RBM20: variants seen among roughly 807,000 people sequenced by gnomAD.
RBM20 encodes RNA-binding protein 20.
In RBM20, 51 loss-of-function variants were observed where a neutral mutation model predicts 110.1. The observed-to-expected ratio is 0.46, with a 90% CI of 0.37 to 0.59. RBM20 has a LOEUF of 0.59. Among genes scored for constraint, RBM20 ranks in the 20% least tolerant of loss-of-function variants. The pLI is 0.00. For synonymous variants in RBM20, 589 were observed against 618.2 expected (o/e 0.95, Z 0.70); for missense variants, 1,512 against 1,574.9 (o/e 0.96, Z 0.68).
intron 1 of RBM20, among the ~76,000 whole-genome samples, chr10:110,775,449 C>A (rs1278314799): frequency 6.6e-6 from 1 of 152,164 alleles, no homozygotes; most frequent in East Asian, 1.9e-4. Context: ...CAGGAGAGAG[C>A]CTGCTGATAC....
At position 110,714,283 on chromosome 10, in the gene RBM20, G is replaced by A. The variant is rs138129484; in HGVS notation, c.192-66518G>A. 4.1e-3 allele frequency among the ~76,000 whole-genome samples: 629 copies of A among 152,334 alleles called. 6 individuals are homozygous for A. The highest frequency in any genetic ancestry group is 0.014 in the Admixed American group (218 of 15,306). On this transcript the variant is annotated intron_variant, in intron 1 of 13. Transcript: ENST00000369519. ...AGCTAGAAATGTAACCATATCTGCA[G>A]TTCTTGGAGGTCAATGAAAAGGTTG...
At chr10:110,681,479 C>T (rs2134859897) in intron 1 of RBM20, among the ~76,000 whole-genome samples, 1 of 152,280 alleles carries the variant, frequency 6.6e-6, no homozygotes. Context: ...TCTTTTCTGC[C>T]TTCAGGTCAC....
intron 1 of RBM20, among the ~76,000 whole-genome samples, chr10:110,719,523 T>G (rs1240764188): frequency 1.3e-5 from 2 of 152,222 alleles, no homozygotes; most frequent in Admixed American, 6.5e-5. Context: ...TTTTATTTTG[T>G]TTTTGTTTTT....
chr10:110,803,946 C>T (rs1844663795), intron 7 of RBM20, among the ~76,000 whole-genome samples: 1 of 151,938 alleles, frequency 6.6e-6, no homozygotes, highest in Non-Finnish European at 1.5e-5. Flanking sequence ...TCTCTCCACG[C>T]TGCCTTCTGC....
At position 110,724,733 on chromosome 10, in the gene RBM20, G is replaced by T. The variant is rs558937394; in HGVS notation, c.192-56068G>T. 5.2e-4 allele frequency among the ~76,000 whole-genome samples: 79 copies of T among 151,958 alleles called. 1 individual carries two copies. Among genetic ancestry groups the T allele is most frequent in the African/African-American group, 1.9e-3 (77 of 41,254 alleles). On this transcript the variant is annotated intron_variant, in intron 1 of 13. Transcript: ENST00000369519. Reference sequence around the variant, plus strand: ...AGATGTTTTCACTTCATCTGGGGATGAATCATCTGGGGAATGAGAACAGTA... The same window carrying T: ...AGATGTTTTCACTTCATCTGGGGATTAATCATCTGGGGAATGAGAACAGTA...
At chr10:110,702,584 C>T (rs991944240) in intron 1 of RBM20, among the ~76,000 whole-genome samples, 13 of 152,222 alleles carry the variant, frequency 8.5e-5, no homozygotes, top group Non-Finnish European at 1.8e-4. Context: ...TTATGATTGG[C>T]TTTGTGATCG....
intron 10 of RBM20, 32 bp downstream of exon 10, chr10:110,820,208 C>A: frequency 6.9e-7 from 1 of 1,449,230 alleles, no homozygotes; most frequent in South Asian, 1.2e-5. Flanking sequence ...GCACTTCTGC[C>A]ATGAGGGACT....
intron 7 of RBM20, among the ~76,000 whole-genome samples, chr10:110,804,188 T>G (rs1844667301): frequency 6.6e-6 from 1 of 152,202 alleles, no homozygotes; most frequent in Admixed American, 6.5e-5. Context: ...CATTCCTGAA[T>G]TGATCTCTGG....
intron 2 of RBM20, 46 bp downstream of exon 2, chr10:110,781,930 C>A: frequency 6.4e-7 from 1 of 1,550,706 alleles, no homozygotes; most frequent in Non-Finnish European, 8.7e-7. Context: ...GAAGCCTGGG[C>A]AGGCCTTTCC....
At position 110,812,313 on chromosome 10, in the gene RBM20, T is replaced by A; in HGVS notation, c.1916T>A (p.Val639Glu). 1 of 1,550,524 alleles carries A rather than the reference T, an allele frequency of 6.4e-7. No homozygotes were observed. The highest frequency in any genetic ancestry group is 8.7e-7 in the Non-Finnish European group (1 of 1,146,420). ...GPERPRSRSP[V>E]SRSLSPRSHT... ...GAAAGGCCGCGGTCTCGTAGTCCGG[T>A]GAGCCGGTCACTCTCCCCGAGGTCC... The change falls in exon 9 of 14, where the codon GTG (valine) becomes GAG (glutamate). Residue 639 changes from valine (V) to glutamate (E), a missense_variant. By Grantham distance (121) the Val-to-Glu change is moderately radical (BLOSUM62 -2). This residue lies in a region of RBM20 where 1,149 missense variants were observed against 1,169.4 expected (regional missense o/e 0.98). Transcript: ENST00000369519.
chr10:110,709,758 T>TTGTA (rs1862896786), intron 1 of RBM20, among the ~76,000 whole-genome samples: 1 of 151,752 alleles, frequency 6.6e-6, no homozygotes, highest in African/African-American at 2.4e-5. Flanking sequence ...TTTGTAGAGA[T>TTGTA]GGGGGGTCTC....
At chr10:110,783,470 A>T in intron 3 of RBM20, 43 bp downstream of exon 3, 1 of 1,405,838 alleles carries the variant, frequency 7.1e-7, no homozygotes, top group Non-Finnish European at 9.9e-7. Context: ...TAGGCTCAAC[A>T]CATATTCACT....
intron 1 of RBM20, among the ~76,000 whole-genome samples, chr10:110,704,779 C>T (rs2134900662): frequency 6.6e-6 from 1 of 152,254 alleles, no homozygotes; most frequent in Non-Finnish European, 1.5e-5. Context: ...GCCCAGAGGA[C>T]AGCCATGTGG....
At chr10:110,677,811 A>G (rs748072919) in intron 1 of RBM20, among the ~76,000 whole-genome samples, 2 of 152,182 alleles carry the variant, frequency 1.3e-5, no homozygotes, top group Non-Finnish European at 2.9e-5. Flanking sequence ...TGTTGTAGAC[A>G]TCTCTCTAAA....
intron 5 of RBM20, among the ~76,000 whole-genome samples, chr10:110,785,234 T>C (rs1774086924): frequency 6.6e-6 from 1 of 152,208 alleles, no homozygotes; most frequent in South Asian, 2.1e-4. Flanking sequence ...ATGTTAACAC[T>C]TTTTTTAGTG....
intron 1 of RBM20, among the ~76,000 whole-genome samples, chr10:110,766,948 C>G (rs1289864062): frequency 1.4e-5 from 2 of 138,030 alleles, no homozygotes; most frequent in Non-Finnish European, 3.2e-5. Context: ...GCTGGCCGGG[C>G]GGGGGGTGAC....
chr10:110,797,624 C>T lies in RBM20; in HGVS notation c.1644C>T (p.Tyr548=). ...LGLPFGKVTN[Y]ILMKSTNQAF... is the part of the protein sequence containing the mutation. ...TGCCCTTTGGAAAGGTCACTAATTA[C>T]ATCCTCATGAAGTCGACTAATCAGG... The change falls in exon 6 of 14, where the codon TAC becomes TAT. Residue 548 remains tyrosine, a synonymous_variant. Transcript: ENST00000369519. 6.4e-7 allele frequency: 1 copy of T among 1,551,806 alleles called. No individual in the cohort carries two copies. Among genetic ancestry groups the T allele is most frequent in the Non-Finnish European group, 8.7e-7 (1 of 1,146,998 alleles).
chr10:110,793,863 C>T (rs770367193), intron 5 of RBM20, among the ~76,000 whole-genome samples: 2 of 152,226 alleles, frequency 1.3e-5, no homozygotes, highest in Admixed American at 6.5e-5. Flanking sequence ...ATTCAAAGTA[C>T]GATCTCAACT....
chr10:110,737,185 A>AAAAAAAAAAAAAAAAAAAAAAAAAAC, intron 1 of RBM20, among the ~76,000 whole-genome samples: 1 of 139,464 alleles, frequency 7.2e-6, no homozygotes, highest in Non-Finnish European at 1.6e-5. Context: ...CTCAAAAAAA[A>AAAAAAAAAAAAAAAAAAAAAAAAAAC]AAAAAAAAAA....
Sources: gnomAD v4.1 joint callset for allele counts (sites outside exome capture counted in the v4.1 genomes callset) on GRCh38, gnomAD v4.1.1 for gene constraint, gnomAD v4.1.1 regional missense constraint, MANE v1.5 for transcripts, NCBI Gene and HGNC (gene_info 2026-07-23, HGNC 2026-07-21) for gene names.